Variants in FAM118B observed in about 807,000 individuals in gnomAD.
FAM118B encodes the protein SIR2 antiphage like 1.
FAM118B carries 24 observed loss-of-function variants against 38.5 expected under a neutral mutation model. The observed-to-expected ratio is 0.62, with a 90% CI of 0.45 to 0.88. The LOEUF (loss-of-function observed/expected upper bound fraction) is 0.88, where lower values mean the gene tolerates loss of function less well. Among genes scored for constraint, FAM118B ranks in the 40% least tolerant of loss-of-function variants. The pLI is 0.00. For synonymous variants in FAM118B, 138 were observed against 156.3 expected, an observed-to-expected ratio of 0.88 and a Z score of 0.87; for missense variants, 334 against 420.0, an observed-to-expected ratio of 0.80 and a Z score of 1.79.
chr11:126,261,808 G>A (rs561260812), intron 8 of FAM118B, among the ~76,000 whole-genome samples: 2 of 152,216 alleles, frequency 1.3e-5, no homozygotes, highest in Admixed American at 6.5e-5. Flanking sequence ...GAGCAACATA[G>A]CAAGATGCTG....
chr11:126,257,434 G>A (rs1279988470), intron 7 of FAM118B, among the ~76,000 whole-genome samples: 1 of 151,940 alleles, frequency 6.6e-6, no homozygotes, highest in Non-Finnish European at 1.5e-5. Context: ...TCCTAAAATT[G>A]GTGGAGATTC....
chr11:126,258,080 A>AT (rs1950608786), intron 7 of FAM118B, among the ~76,000 whole-genome samples: 1 of 152,208 alleles, frequency 6.6e-6, no homozygotes, highest in Non-Finnish European at 1.5e-5. Context: ...TTATGTAAGT[A>AT]TTTTCATTGT....
rs1210748035 is a variant in FAM118B at position 126,250,650 on chromosome 11, A to G, written c.484A>G (p.Thr162Ala). 2.5e-6 allele frequency: 4 copies of G among 1,614,066 alleles called. No individual in the cohort carries two copies. The highest frequency in any genetic ancestry group is 3.4e-6 in the Non-Finnish European group (4 of 1,180,028). Reference protein sequence around the residue: ...LMENGALVLTTNFDNLLELYA... With the variant: ...LMENGALVLTANFDNLLELYA... ...GGAAAATGGAGCCCTCGTATTAACT[A>G]CAAATTTTGATAATCTCTTGGAACT... Residue 162 changes from threonine to alanine, a missense_variant, in exon 5 of 9, where the codon ACA (threonine) becomes GCA (alanine). Around this residue, in one of 3 missense-constraint regions of FAM118B, gnomAD observed 240 missense variants for 295.9 expected, o/e 0.81. Coordinates refer to ENST00000533050, the MANE Select transcript of FAM118B (RefSeq NM_024556.4). The surrounding 1 kb of genome is among the most constrained non-coding windows in gnomAD (Gnocchi z 5.1).
At chr11:126,222,593 G>A (rs147460207) in intron 1 of FAM118B, among the ~76,000 whole-genome samples, 1 of 152,204 alleles carries the variant, frequency 6.6e-6, no homozygotes, top group Non-Finnish European at 1.5e-5. Flanking sequence ...GAATCTTTAT[G>A]TTTAGGGATG....
intron 4 of FAM118B, among the ~76,000 whole-genome samples, chr11:126,243,999 A>G (rs2135181733): frequency 6.6e-6 from 1 of 152,316 alleles, no homozygotes; most frequent in South Asian, 2.1e-4. Flanking sequence ...TGCAGAAAAA[A>G]CATGTTAGCA....
intron 2 of FAM118B, chr11:126,233,577 G>A (rs147637845): frequency 2.7e-6 from 1 of 365,548 alleles, no homozygotes; most frequent in African/African-American, 2.1e-5. Context: ...GTCTTCTCCT[G>A]AGCCCCAGCT....
intron 1 of FAM118B, among the ~76,000 whole-genome samples, chr11:126,228,824 G>A (rs1950175043): frequency 6.6e-6 from 1 of 152,192 alleles, no homozygotes; most frequent in East Asian, 1.9e-4. Flanking sequence ...CCCCCAAAGT[G>A]CTGGGATTAC....
intron 4 of FAM118B, among the ~76,000 whole-genome samples, chr11:126,243,903 CAA>C (rs34063466): frequency 0.25 from 25,997 of 104,318 alleles, 2,463 homozygotes; most frequent in Non-Finnish European, 0.32. Context: ...GACTCCGTCT[CAA>C]AAAAAAAAAA....
At chr11:126,211,774 G>T, upstream of FAM118B, 1 of 969,112 alleles carries the variant, frequency 1.0e-6, no homozygotes, top group Non-Finnish European at 1.5e-6. Flanking sequence ...TGCGCGCTCA[G>T]TGCGGCTGCG....
Position 126,240,883 on chromosome 11 carries a change from C to G in FAM118B, c.178C>G (p.Pro60Ala), listed in dbSNP as rs1472333345. ...TAGTGCTGCAGTTGCGCCCCAAGTT[C>G]CAGCCCTCAAATCCTGGAAGGGGTT... is the stretch of plus-strand genomic sequence containing the variant. ...GISAAVAPQV[P>A]ALKSWKGLIQ... Residue 60 changes from proline to alanine, a missense_variant, in exon 4 of 9, where the codon CCA becomes GCA. Pro to Ala is a conservative substitution (Grantham distance 27). Coordinates refer to ENST00000533050, the MANE Select transcript of FAM118B (RefSeq NM_024556.4). The G allele has an allele frequency of 6.2e-7, 1 of 1,614,188 alleles. No homozygotes were observed. Among genetic ancestry groups the G allele is most frequent in the Non-Finnish European group, 8.5e-7 (1 of 1,180,024 alleles).
intron 1 of FAM118B, among the ~76,000 whole-genome samples, chr11:126,218,625 T>C (rs2135125987): frequency 6.6e-6 from 1 of 152,330 alleles, no homozygotes; most frequent in East Asian, 1.9e-4. Flanking sequence ...AATTATTTTA[T>C]TGTGGGATTT....
chr11:126,258,379 G>A (rs1324395174), intron 7 of FAM118B, among the ~76,000 whole-genome samples: 4 of 152,248 alleles, frequency 2.6e-5, no homozygotes, highest in South Asian at 2.1e-4. Context: ...AAAGCAAGAC[G>A]CTGTTTCTAA....
Position 126,253,633 on chromosome 11 carries a change from C to T in FAM118B, c.568-672C>T, listed in dbSNP as rs1398045661. Among the ~76,000 whole-genome samples the T allele has an allele frequency of 2.6e-4, 39 of 152,304 alleles. No homozygotes were observed. Among genetic ancestry groups the T allele is most frequent in the Non-Finnish European group, 7.4e-5 (5 of 68,022 alleles). ...ACAATTTGAACTGGGCTCAGTGACTCAGCCAGGCATTTTTTCTGCTGATTT... is the reference window on the plus strand; with the variant it reads ...ACAATTTGAACTGGGCTCAGTGACTTAGCCAGGCATTTTTTCTGCTGATTT... On this transcript the variant is annotated intron_variant, in intron 5 of 8. Coordinates refer to ENST00000533050, the MANE Select transcript of FAM118B (RefSeq NM_024556.4). The surrounding 1 kb of genome is among the most constrained non-coding windows in gnomAD (Gnocchi z 5.1).
chr11:126,258,658 T>C (rs1005905827), intron 7 of FAM118B, among the ~76,000 whole-genome samples: 2 of 152,252 alleles, frequency 1.3e-5, no homozygotes, highest in Non-Finnish European at 2.9e-5. Flanking sequence ...TCTCCTGCTG[T>C]TGTTTGCCCA....
chr11:126,236,317 C>T (rs1950274096), intron 3 of FAM118B, among the ~76,000 whole-genome samples: 1 of 152,222 alleles, frequency 6.6e-6, no homozygotes, highest in Non-Finnish European at 1.5e-5. Context: ...TTATCATACA[C>T]TTACATTCAT....
At chr11:126,211,766 C>G, upstream of FAM118B, 5 of 1,075,716 alleles carry the variant, frequency 4.6e-6, no homozygotes, top group Non-Finnish European at 6.6e-6. Context: ...GGGGACGGTG[C>G]GCGCTCAGTG....
At chr11:126,232,817 C>T (rs1950226269) in intron 2 of FAM118B, among the ~76,000 whole-genome samples, 1 of 151,568 alleles carries the variant, frequency 6.6e-6, no homozygotes, top group African/African-American at 2.4e-5. Context: ...ACACATTCTA[C>T]CCCTAGTTCA....
intron 4 of FAM118B, chr11:126,245,192 C>T (rs1356281380): frequency 6.6e-6 from 1 of 151,788 alleles, no homozygotes; most frequent in African/African-American, 2.4e-5. Context: ...GGAAATGGAG[C>T]AGGTCAAAAC....
rs1472747886 is a variant in FAM118B at position 126,253,525 on chromosome 11, A to T, written c.568-780A>T. On this transcript the variant is annotated intron_variant, in intron 5 of 8. Transcript: ENST00000533050. This position sits in a 1 kb window ranked among gnomAD's most constrained non-coding sequence, Gnocchi z 5.1. ...GACTGAAGTGATTTTTCTATCACTT[A>T]TCTATTGCTGTACAAGTAATGGCCG... Among the ~76,000 whole-genome samples the T allele has an allele frequency of 6.6e-6, 1 of 152,202 alleles. No individual in the cohort carries two copies. The highest frequency in any genetic ancestry group is 1.5e-5 in the Non-Finnish European group (1 of 68,034).
Sources: gnomAD v4.1 joint callset for allele counts (sites outside exome capture counted in the v4.1 genomes callset) on GRCh38, gnomAD v4.1.1 for gene constraint, gnomAD v4.1.1 regional missense constraint, Gnocchi (gnomAD v3.1) non-coding constraint, MANE v1.5 for transcripts, NCBI Gene and HGNC (gene_info 2026-07-23, HGNC 2026-07-21) for gene names.